Variants in DNAH6 observed in about 807,000 individuals in gnomAD.
DNAH6 encodes the protein dynein axonemal heavy chain 6.
A neutral mutation model predicts 491.4 loss-of-function variants in DNAH6; 340 were observed. The observed-to-expected ratio is 0.69, with a 90% CI of 0.63 to 0.76. The LOEUF (loss-of-function observed/expected upper bound fraction) is 0.76. Among genes scored for constraint, DNAH6 ranks in the 30% least tolerant of loss-of-function variants. DNAH6 has a pLI of 0.00. For synonymous variants in DNAH6, 1,603 were observed against 1,686.1 expected (o/e 0.95, Z 1.21); for missense variants, 4,443 against 4,972.2 (o/e 0.89, Z 3.20).
intron 12 of DNAH6, among the ~76,000 whole-genome samples, chr2:84,575,497 C>G (rs1682331209): frequency 6.6e-6 from 1 of 152,160 alleles, no homozygotes; most frequent in Non-Finnish European, 1.5e-5. Flanking sequence ...AAAAGGAAAA[C>G]AGAGATCTAT....
chr2:84,701,193 G>A lies in DNAH6; in HGVS notation c.7915G>A (p.Val2639Met), dbSNP rs1023880395. 49 of 1,551,666 alleles carry A rather than the reference G, an allele frequency of 3.2e-5. No individual in the cohort carries two copies. The highest frequency in any genetic ancestry group is 2.4e-4 in the Admixed American group (12 of 50,976). ...ELKEKLPLMCVNVHLSVSSMA... is the reference protein window; with the variant it reads ...ELKEKLPLMCMNVHLSVSSMA... ...GAAAGAAAAGCTTCCCTTGATGTGCGTGAACGTTCACTTGAGTGTCTCCAG... is the reference window on the plus strand; with the variant it reads ...GAAAGAAAAGCTTCCCTTGATGTGCATGAACGTTCACTTGAGTGTCTCCAG... Residue 2639 changes from valine (V) to methionine (M), a missense_variant, in exon 49 of 77, where the codon GTG becomes ATG. Around this residue, in one of 3 missense-constraint regions of DNAH6, gnomAD observed 2,977 missense variants for 3,296.6 expected, o/e 0.90. Coordinates refer to ENST00000389394, the MANE Select transcript of DNAH6 (RefSeq NM_001370.2).
intron 16 of DNAH6, among the ~76,000 whole-genome samples, chr2:84,592,410 G>A (rs1684201086): frequency 6.6e-6 from 1 of 152,134 alleles, no homozygotes; most frequent in Non-Finnish European, 1.5e-5. Flanking sequence ...CCTCACATCT[G>A]TTAGAATGGC....
upstream of DNAH6, among the ~76,000 whole-genome samples, chr2:84,513,234 T>A (rs914131067): frequency 6.6e-6 from 1 of 152,146 alleles, no homozygotes; most frequent in Non-Finnish European, 1.5e-5. Flanking sequence ...TCTCATACTT[T>A]TGGTTGAAAA....
chr2:84,657,897 T>C (rs533821383), intron 35 of DNAH6, among the ~76,000 whole-genome samples: 5 of 152,186 alleles, frequency 3.3e-5, no homozygotes, highest in African/African-American at 1.2e-4. Context: ...TTTAAATATT[T>C]GGAAATTATT....
At chr2:84,781,022 T>C (rs1324863439) in intron 64 of DNAH6, among the ~76,000 whole-genome samples, 1 of 152,222 alleles carries the variant, frequency 6.6e-6, no homozygotes, top group Non-Finnish European at 1.5e-5. Flanking sequence ...TAGGTGGTGG[T>C]ACATGTGCAC....
At chr2:84,662,698 G>A (rs553009651) in intron 37 of DNAH6, among the ~76,000 whole-genome samples, 84 of 152,322 alleles carry the variant, frequency 5.5e-4, no homozygotes, top group African/African-American at 2.0e-3. Context: ...TGAACAAAAG[G>A]CAGCAGAAAC....
chr2:84,495,584 G>C, the DNAH6 span, among the ~76,000 whole-genome samples: 1 of 152,110 alleles, frequency 6.6e-6, no homozygotes, highest in African/African-American at 2.4e-5. Flanking sequence ...ATTCACATTG[G>C]TTCAATATTT....
the DNAH6 span, among the ~76,000 whole-genome samples, chr2:84,487,872 C>T: frequency 6.6e-6 from 1 of 152,112 alleles, no homozygotes; most frequent in East Asian, 1.9e-4. Context: ...AAGTCCCTGT[C>T]TATGGGGATA....
At chr2:84,664,137 C>A (rs929617484) in intron 37 of DNAH6, among the ~76,000 whole-genome samples, 1 of 152,148 alleles carries the variant, frequency 6.6e-6, no homozygotes, top group African/African-American at 2.4e-5. Context: ...CCAGCCACTG[C>A]AAAAACATGC....
intron 11 of DNAH6, among the ~76,000 whole-genome samples, chr2:84,566,455 A>G (rs1293341224): frequency 6.6e-6 from 1 of 152,062 alleles, no homozygotes; most frequent in African/African-American, 2.4e-5. Flanking sequence ...AAGACACAAA[A>G]ATAGGCTTGG....
intron 12 of DNAH6, among the ~76,000 whole-genome samples, chr2:84,576,416 A>T (rs1682452389): frequency 6.6e-6 from 1 of 152,194 alleles, no homozygotes; most frequent in South Asian, 2.1e-4. Context: ...GAATAAAGGC[A>T]GGAAACAGCA....
At chr2:84,636,075 T>C (rs1193252427) in intron 30 of DNAH6, among the ~76,000 whole-genome samples, 4 of 152,222 alleles carry the variant, frequency 2.6e-5, no homozygotes, top group Non-Finnish European at 5.9e-5. Context: ...GCTCTCATTA[T>C]GTCCCTAATG....
Position 84,550,005 on chromosome 2 carries a change from A to G in DNAH6, c.1433A>G (p.Asp478Gly), listed in dbSNP as rs1572987331. The change falls in exon 9 of 77, where the codon GAT becomes GGT. Residue 478 changes from aspartate (D) to glycine (G), a missense_variant. By Grantham distance (94) the Asp-to-Gly change is moderately conservative (BLOSUM62 -1). Transcript: ENST00000389394. ...TDKLKRTPSA[D>G]VIQKWITEEK... Reference sequence around the variant, plus strand: ...AAGCTAAAACGAACACCTTCAGCAGATGTCATTCAGAAATGGATTACTGAA... The same window carrying G: ...AAGCTAAAACGAACACCTTCAGCAGGTGTCATTCAGAAATGGATTACTGAA... The G allele has an allele frequency of 6.2e-6, 10 of 1,614,034 alleles. No individual in the cohort carries two copies. Among genetic ancestry groups the G allele is most frequent in the Non-Finnish European group, 8.5e-6 (10 of 1,179,944 alleles).
the DNAH6 span, among the ~76,000 whole-genome samples, chr2:84,496,565 A>G: frequency 1.3e-5 from 2 of 152,180 alleles, no homozygotes; most frequent in African/African-American, 4.8e-5. Context: ...AGAATTTTTC[A>G]AGCAAATACT....
chr2:84,728,527 C>G (rs1558969089), intron 61 of DNAH6, among the ~76,000 whole-genome samples: 2 of 152,152 alleles, frequency 1.3e-5, no homozygotes. Flanking sequence ...TGGGAGTAAC[C>G]AATAAGCTAG....
intron 68 of DNAH6, among the ~76,000 whole-genome samples, chr2:84,792,556 C>T (rs1192310): frequency 0.23 from 34,217 of 151,846 alleles, 4,605 homozygotes; most frequent in African/African-American, 0.39. Context: ...TCAATAAAGG[C>T]GCGGGGGTGA....
chr2:84,812,548 G>A (rs1294218935), intron 73 of DNAH6, 22 bp downstream of exon 73: 2 of 1,541,018 alleles, frequency 1.3e-6, no homozygotes, highest in Admixed American at 4.0e-5. Context: ...CCTTTCACTG[G>A]GTTTTGATGA....
At chr2:84,764,833 G>C (rs1029355408) in intron 64 of DNAH6, among the ~76,000 whole-genome samples, 2 of 152,052 alleles carry the variant, frequency 1.3e-5, no homozygotes, top group Non-Finnish European at 2.9e-5. Context: ...CTGTTGATGA[G>C]TACCTACCTA....
In DNAH6 at chr2:84,523,439, T is replaced by A. The variant is rs1025484458; in HGVS notation, c.226-2126T>A. On this transcript the variant is annotated intron_variant, in intron 2 of 76. Coordinates refer to ENST00000389394, the MANE Select transcript of DNAH6 (RefSeq NM_001370.2). ...ATTTTTTGATCTTTTCCATTTTTTT[T>A]ATTTCTCAATATCCTTCAGTTCTGC... is the stretch of plus-strand genomic sequence containing the variant. Among the ~76,000 whole-genome samples the A allele has an allele frequency of 8.0e-4, 121 of 152,074 alleles. 1 individual carries two copies. The highest frequency in any genetic ancestry group is 2.7e-3 in the African/African-American group (111 of 41,426).
Sources: gnomAD v4.1 joint callset for allele counts (sites outside exome capture counted in the v4.1 genomes callset) on GRCh38, gnomAD v4.1.1 for gene constraint, gnomAD v4.1.1 regional missense constraint, MANE v1.5 for transcripts, NCBI Gene and HGNC (gene_info 2026-07-23, HGNC 2026-07-21) for gene names.